MOB3B: variants seen among roughly 807,000 people sequenced by gnomAD.
MOB3B encodes the protein MOB kinase activator 3B, also known as MOB kinase activator-like 2B.
In MOB3B, 7 loss-of-function variants were observed where a neutral mutation model predicts 18.7. The ratio of observed to expected loss-of-function variants is 0.37; its 90% CI spans 0.21 to 0.70. MOB3B has a LOEUF of 0.70. MOB3B is among the 30% of genes least tolerant of loss of function. MOB3B has a pLI of 0.52. For missense variants in MOB3B, 253 were observed against 281.3 expected, an observed-to-expected ratio of 0.90 and a Z score of 0.72; for synonymous variants, 111 against 99.9, an observed-to-expected ratio of 1.11 and a Z score of -0.66.
intron 2 of MOB3B, among the ~76,000 whole-genome samples, chr9:27,417,965 G>A (rs895873628): frequency 2.0e-5 from 3 of 151,630 alleles, no homozygotes; most frequent in African/African-American, 4.8e-5. Flanking sequence ...GGTGGCACAC[G>A]CCTGTGGTCC....
intron 2 of MOB3B, among the ~76,000 whole-genome samples, chr9:27,410,734 C>T (rs892025737): frequency 1.3e-5 from 2 of 151,750 alleles, no homozygotes; most frequent in African/African-American, 4.9e-5. Context: ...GTGTTACTTT[C>T]TTTAAAATGA....
chr9:27,461,405 T>C (rs574004933), intron 1 of MOB3B, among the ~76,000 whole-genome samples: 7 of 152,372 alleles, frequency 4.6e-5, no homozygotes, highest in African/African-American at 1.7e-4. Flanking sequence ...GATTCCTGCC[T>C]GAGAAGCAGC....
intron 1 of MOB3B, chr9:27,526,180 G>A (rs551982261): frequency 6.6e-5 from 10 of 152,308 alleles, no homozygotes; most frequent in African/African-American, 2.4e-4. Context: ...CAAGCGCAGG[G>A]CCCAAATGTT....
chr9:27,403,115 C>T (rs1250222099), intron 2 of MOB3B, among the ~76,000 whole-genome samples: 1 of 151,606 alleles, frequency 6.6e-6, no homozygotes, highest in East Asian at 1.9e-4. Context: ...GCTCTGATGA[C>T]CACTAGGAAA....
chr9:27,443,321 C>T (rs1330219489), intron 2 of MOB3B, among the ~76,000 whole-genome samples: 1 of 152,168 alleles, frequency 6.6e-6, no homozygotes, highest in Admixed American at 6.5e-5. Flanking sequence ...ATCAACTCTC[C>T]CAATAGCTCA....
chr9:27,358,040 G>A (rs1821220459), intron 3 of MOB3B, among the ~76,000 whole-genome samples: 5 of 151,836 alleles, frequency 3.3e-5, no homozygotes, highest in Admixed American at 2.0e-4. Context: ...CTCCAGACTG[G>A]GAGACAGAGT....
At chr9:27,394,051 A>T (rs1164738743) in intron 2 of MOB3B, 1 of 152,074 alleles carries the variant, frequency 6.6e-6, no homozygotes, top group Non-Finnish European at 1.5e-5. Flanking sequence ...TTGTGGAATA[A>T]CTCATTAATC....
intron 1 of MOB3B, among the ~76,000 whole-genome samples, chr9:27,506,832 AT>A (rs71492749): frequency 0.064 from 7,733 of 120,444 alleles, 183 homozygotes; most frequent in East Asian, 0.087. Context: ...ACCCCGGCTA[AT>A]TTTTTTTTTT....
intron 2 of MOB3B, among the ~76,000 whole-genome samples, chr9:27,373,862 C>T (rs375641290): frequency 2.0e-5 from 3 of 152,232 alleles, no homozygotes; most frequent in Non-Finnish European, 4.4e-5. Context: ...AAGCCGCCTC[C>T]TCTACTTTAA....
chr9:27,342,040 A>G (rs1587141562), intron 3 of MOB3B, among the ~76,000 whole-genome samples: 1 of 152,250 alleles, frequency 6.6e-6, no homozygotes, highest in African/African-American at 2.4e-5. Flanking sequence ...TTCCATGTCC[A>G]TAAACAAGTT....
intron 2 of MOB3B, among the ~76,000 whole-genome samples, chr9:27,365,304 A>C (rs2131361737): frequency 6.6e-6 from 1 of 150,858 alleles, no homozygotes; most frequent in South Asian, 2.1e-4. Flanking sequence ...GATCCAGCCT[A>C]GGGTGTGGAA....
At chr9:27,475,251 C>T (rs188105100) in intron 1 of MOB3B, among the ~76,000 whole-genome samples, 91 of 152,252 alleles carry the variant, frequency 6.0e-4, no homozygotes, top group Non-Finnish European at 9.0e-4. Context: ...GAGTAAGCTC[C>T]GAGGCGGCTC....
chr9:27,518,887 T>C (rs1820281249), intron 1 of MOB3B, among the ~76,000 whole-genome samples: 1 of 152,198 alleles, frequency 6.6e-6, no homozygotes, highest in Non-Finnish European at 1.5e-5. Flanking sequence ...ATTTACTGTG[T>C]AAGAAGTGCC....
chr9:27,447,791 C>A (rs1822717083), intron 2 of MOB3B, among the ~76,000 whole-genome samples: 1 of 152,198 alleles, frequency 6.6e-6, no homozygotes, highest in Non-Finnish European at 1.5e-5. Flanking sequence ...TGGTGGGGAA[C>A]TGTGACCATC....
At chr9:27,524,429 C>G in intron 1 of MOB3B, 1 of 1,614,084 alleles carries the variant, frequency 6.2e-7, no homozygotes, top group Non-Finnish European at 8.5e-7. Context: ...TGGACTGTAA[C>G]TTACTGAACG....
At chr9:27,403,094 GAT>G (rs1821910457) in intron 2 of MOB3B, among the ~76,000 whole-genome samples, 1 of 152,188 alleles carries the variant, frequency 6.6e-6, no homozygotes, top group Non-Finnish European at 1.5e-5. Flanking sequence ...ATCTGGCTCT[GAT>G]GACCACTGGC....
chr9:27,411,818 T>A (rs544362854), intron 2 of MOB3B, among the ~76,000 whole-genome samples: 2 of 152,204 alleles, frequency 1.3e-5, no homozygotes, highest in African/African-American at 2.4e-5. Flanking sequence ...TCAACCCTAA[T>A]GTAAACTATG....
intron 2 of MOB3B, 142 bp from the exon 3 acceptor site, chr9:27,359,378 T>TCG (rs1554645302): frequency 4.0e-6 from 1 of 253,070 alleles, no homozygotes; most frequent in Non-Finnish European, 7.7e-6. Context: ...TGTGTGTGTG[T>TCG]GGGGGGGGGG....
intron 2 of MOB3B, among the ~76,000 whole-genome samples, chr9:27,369,873 A>G (rs1370384981): frequency 4.6e-5 from 7 of 151,498 alleles, no homozygotes; most frequent in East Asian, 1.9e-4. Flanking sequence ...CAGTCTAGGT[A>G]GGCATATCAT....
Sources: allele counts gnomAD v4.1 joint callset (sites outside exome capture counted in the v4.1 genomes callset), GRCh38; gene constraint gnomAD v4.1.1; transcripts MANE v1.5; gene names NCBI Gene and HGNC (gene_info 2026-07-23, HGNC 2026-07-21).